Variants in CORO2B observed in about 807,000 individuals in gnomAD.
CORO2B encodes the protein coronin-2B.
CORO2B carries 26 observed loss-of-function variants against 58.8 expected under a neutral mutation model. The ratio of observed to expected loss-of-function variants is 0.44; its 90% CI spans 0.32 to 0.61. The LOEUF is 0.61. Ranked by LOEUF, CORO2B falls within the 20% of genes least tolerant of loss-of-function variation. The pLI is 0.04. For synonymous variants in CORO2B, 242 were observed against 253.8 expected (o/e 0.95, Z 0.44); for missense variants, 460 against 645.1 (o/e 0.71, Z 3.11).
chr15:68,634,355 C>T (rs1444914514), intron 1 of CORO2B, among the ~76,000 whole-genome samples: 1 of 152,176 alleles, frequency 6.6e-6, no homozygotes, highest in Non-Finnish European at 1.5e-5. Context: ...GGGGCAAACC[C>T]AAAGCACTTT....
At chr15:68,718,845 C>T in intron 9 of CORO2B, 35 bp downstream of exon 9, 2 of 1,528,606 alleles carry the variant, frequency 1.3e-6, no homozygotes, top group Non-Finnish European at 1.8e-6. Context: ...AGGAGGGGGG[C>T]CTGCATCGCC....
Position 68,714,415 on chromosome 15 carries a change from G to T in CORO2B, c.766-144G>T. The T allele has an allele frequency of 1.0e-5, 7 of 674,484 alleles. 1 individual carries two copies. The South Asian group carries it at 1.2e-4, about 12-fold the overall frequency. 41.8% of individuals were successfully genotyped at this position (674,484 alleles called of 1,614,324 possible). A position where few individuals can be genotyped will look rare whatever the true frequency, so the allele number is the denominator to read the frequency against. On this transcript the variant is annotated intron_variant, in intron 6 of 11. Coordinates refer to ENST00000261861, the MANE Select transcript of CORO2B (RefSeq NM_006091.5). ...TTTTCGTGACAAGAAAGTCAGTCTT[G>T]CCACCACCCATAGGACGGGCTTTTT...
chr15:68,580,382 GGT>G (rs1899399137), intron 1 of CORO2B, among the ~76,000 whole-genome samples: 1 of 25,156 alleles, frequency 4.0e-5, no homozygotes, highest in East Asian at 9.4e-3. Flanking sequence ...TCAGATGGAG[GGT>G]CAGAGCAGTG....
intron 8 of CORO2B, among the ~76,000 whole-genome samples, chr15:68,716,156 C>T (rs926098859): frequency 2.0e-5 from 3 of 152,216 alleles, no homozygotes; most frequent in Admixed American, 1.3e-4. Flanking sequence ...ATCACCATTC[C>T]ATCAACTTTA....
At chr15:68,624,754 A>G (rs1261167399) in intron 1 of CORO2B, among the ~76,000 whole-genome samples, 1 of 151,614 alleles carries the variant, frequency 6.6e-6, no homozygotes, top group Admixed American at 6.6e-5. Context: ...GTGCAATGGC[A>G]TGATCTCGGC....
chr15:68,518,449 T>C, the CORO2B span, among the ~76,000 whole-genome samples: 1 of 152,146 alleles, frequency 6.6e-6, no homozygotes, highest in Non-Finnish European at 1.5e-5. Flanking sequence ...GCCTTCTGTC[T>C]TGCCCACTCC....
chr15:68,584,152 C>T (rs565066596), intron 1 of CORO2B, among the ~76,000 whole-genome samples: 84 of 152,344 alleles, frequency 5.5e-4, no homozygotes, highest in African/African-American at 1.7e-3. Context: ...TTCAGAGTCT[C>T]GAGGTCCAGT....
chr15:68,545,655 G>C, the CORO2B span, among the ~76,000 whole-genome samples: 62 of 151,644 alleles, frequency 4.1e-4, no homozygotes, highest in African/African-American at 1.5e-3. Context: ...CAACAGCCAG[G>C]GTGGCATTTG....
chr15:68,522,810 A>G, the CORO2B span, among the ~76,000 whole-genome samples: 1 of 152,228 alleles, frequency 6.6e-6, no homozygotes. Flanking sequence ...TAACCCTAAT[A>G]TGTAAGTCAC....
chr15:68,724,717 A>G (rs1391459122), intron 11 of CORO2B, among the ~76,000 whole-genome samples: 1 of 152,234 alleles, frequency 6.6e-6, no homozygotes, highest in African/African-American at 2.4e-5. Flanking sequence ...ATATTTCATT[A>G]AATTATGCAA....
the CORO2B span, among the ~76,000 whole-genome samples, chr15:68,530,156 C>T: frequency 6.6e-6 from 1 of 152,144 alleles, no homozygotes; most frequent in Non-Finnish European, 1.5e-5. Context: ...AACCCCGTCT[C>T]TACTGAAAAA....
At chr15:68,549,513 G>A in the CORO2B span, among the ~76,000 whole-genome samples, 1 of 152,246 alleles carries the variant, frequency 6.6e-6, no homozygotes, top group South Asian at 2.1e-4. Flanking sequence ...TCCCACTTTG[G>A]CCCTTGGCTA....
chr15:68,542,878 G>T, the CORO2B span, among the ~76,000 whole-genome samples: 1 of 152,224 alleles, frequency 6.6e-6, no homozygotes, highest in African/African-American at 2.4e-5. Flanking sequence ...TGCCCATGTG[G>T]CATGTGTGCT....
the CORO2B span, among the ~76,000 whole-genome samples, chr15:68,527,714 A>G: frequency 2.6e-5 from 4 of 152,210 alleles, no homozygotes; most frequent in Admixed American, 1.3e-4. Context: ...CGGAAATTTT[A>G]TCAGTCAATA....
chr15:68,550,885 G>A, the CORO2B span, among the ~76,000 whole-genome samples: 31 of 152,160 alleles, frequency 2.0e-4, no homozygotes, highest in African/African-American at 6.5e-4. Context: ...GCCAGGACTC[G>A]AACGCAGCCC....
At chr15:68,682,679 C>T (rs903266077) in intron 2 of CORO2B, among the ~76,000 whole-genome samples, 1 of 152,124 alleles carries the variant, frequency 6.6e-6, no homozygotes, top group African/African-American at 2.4e-5. Context: ...CCCTGCCCCC[C>T]AAAAATGCCT....
chr15:68,584,813 G>C (rs12595136), intron 1 of CORO2B, among the ~76,000 whole-genome samples: 95,399 of 152,074 alleles, frequency 0.63, 31,025 homozygotes, highest in East Asian at 0.86. Context: ...CTGCAGCCTG[G>C]GGAGCTTGGG....
rs1173736065 is a variant in CORO2B, at chr15:68,612,135, C to T, written c.15+32858C>T. Among the ~76,000 whole-genome samples, 12 of 152,240 alleles carry T rather than the reference C, an allele frequency of 7.9e-5. No homozygotes were observed. In the East Asian group the frequency reaches 1.3e-3, roughly 17 times the overall value. On this transcript the variant is annotated intron_variant, in intron 1 of 11. Transcript: ENST00000261861. Reference sequence around the variant, plus strand: ...TGTGTCCACACTGCTCATTGTTTATCGGAGTAGATTCCCAGGAATAGATAA... The same window carrying T: ...TGTGTCCACACTGCTCATTGTTTATTGGAGTAGATTCCCAGGAATAGATAA...
chr15:68,570,398 A>T, the CORO2B span, among the ~76,000 whole-genome samples: 1 of 152,162 alleles, frequency 6.6e-6, no homozygotes, highest in Non-Finnish European at 1.5e-5. Context: ...TCTTCGTCTG[A>T]ATTTGGTAAT....
Sources: allele counts gnomAD v4.1 joint callset (sites outside exome capture counted in the v4.1 genomes callset), GRCh38; gene constraint gnomAD v4.1.1; transcripts MANE v1.5; gene names NCBI Gene and HGNC (gene_info 2026-07-23, HGNC 2026-07-21).